Variants in SSH2 observed in about 807,000 individuals in gnomAD.
SSH2 encodes slingshot protein phosphatase 2, also known as protein phosphatase Slingshot homolog 2.
SSH2 carries 37 observed loss-of-function variants against 135.2 expected under a neutral mutation model. The observed-to-expected ratio is 0.27, with a 90% confidence interval of 0.21 to 0.36. SSH2 has a LOEUF of 0.36. Among genes scored for constraint, SSH2 ranks in the 10% least tolerant of loss-of-function variants. The probability of loss-of-function intolerance (pLI) is 1.00; values close to 1 mark genes in which losing one functional copy is unlikely to be tolerated. For synonymous variants in SSH2, 628 were observed against 646.2 expected (o/e 0.97, Z 0.43); for missense variants, 1,408 against 1,765.3 (o/e 0.80, Z 3.63).
intron 2 of SSH2, among the ~76,000 whole-genome samples, chr17:29,800,202 A>G (rs953307510): frequency 4.6e-5 from 7 of 151,340 alleles, no homozygotes; most frequent in Admixed American, 2.6e-4. Context: ...GTTTACTTCG[A>G]AAAAAAAACT....
chr17:29,930,228 T>G lies in SSH2; in HGVS notation c.-228A>C, dbSNP rs746346775. On this transcript the variant is annotated 5_prime_UTR_variant, in exon 1 of 16. Transcript: ENST00000540801. ...GCGGTTCCGCAGCTGCGGGGCACAA[T>G]GAGCGCTCCCAGTGCGCAGGCGCCA... is the stretch of plus-strand genomic sequence containing the variant. 1.8e-6 allele frequency: 1 copy of G among 549,334 alleles called. No homozygotes were observed. The highest frequency in any genetic ancestry group is 3.2e-6 in the Non-Finnish European group (1 of 310,648). 34.0% of individuals were successfully genotyped at this position (549,334 alleles called of 1,614,324 possible).
intron 11 of SSH2, among the ~76,000 whole-genome samples, chr17:29,666,080 G>A (rs778461759): frequency 2.6e-4 from 40 of 152,062 alleles, no homozygotes; most frequent in Admixed American, 5.2e-4. Context: ...GGCTCATGCC[G>A]GTAATTTGGG....
chr17:29,915,627 T>TA, intron 1 of SSH2, among the ~76,000 whole-genome samples: 1 of 152,314 alleles, frequency 6.6e-6, no homozygotes, highest in African/African-American at 2.4e-5. Flanking sequence ...AAGCATAGCC[T>TA]ATTAAATTGA....
chr17:29,784,044 T>C (rs2729439), intron 3 of SSH2, among the ~76,000 whole-genome samples: 40,563 of 95,328 alleles, frequency 0.43, 8,089 homozygotes, highest in Middle Eastern at 0.47. Context: ...CCAGCCTGGG[T>C]GACAGAGCGA....
chr17:29,792,949 C>T (rs1027668123), intron 3 of SSH2, among the ~76,000 whole-genome samples: 1 of 152,194 alleles, frequency 6.6e-6, no homozygotes, highest in African/African-American at 2.4e-5. Flanking sequence ...GCTGGGATTA[C>T]AGGCGTGAGC....
rs901287928 is a variant in SSH2, at chr17:29,930,197, G to T, written c.-197C>A. The T allele has an allele frequency of 7.0e-6, 4 of 572,818 alleles. No individual in the cohort carries two copies. Among genetic ancestry groups the T allele is most frequent in the Non-Finnish European group, 1.2e-5 (4 of 330,150 alleles). 35.5% of individuals were successfully genotyped at this position (572,818 alleles called of 1,614,324 possible). On this transcript the variant is annotated 5_prime_UTR_variant, in exon 1 of 16. Transcript: ENST00000540801. ...CCGACTGACGCTCCGAACGGGCGGC[G>T]GGCGGGCGGTTCCGCAGCTGCGGGG...
At chr17:29,881,050 A>G (rs1473012483) in intron 1 of SSH2, among the ~76,000 whole-genome samples, 2 of 152,250 alleles carry the variant, frequency 1.3e-5, no homozygotes, top group Non-Finnish European at 2.9e-5. Context: ...AATTCTGAAT[A>G]ACATCTTTCA....
chr17:29,674,411 T>C lies in SSH2; in HGVS notation c.615-2282A>G, dbSNP rs1440530947. ...AGGATGCCTAATGCATGTTTCTTCA[T>C]CTAGGAAACACATGCTCCAAAAGCA... On this transcript the variant is annotated intron_variant, in intron 8 of 15. Coordinates refer to ENST00000540801, the MANE Select transcript of SSH2 (RefSeq NM_001282129.2). 3.3e-5 allele frequency among the ~76,000 whole-genome samples: 5 copies of C among 152,288 alleles called. No individual in the cohort carries two copies. The East Asian group carries it at 9.6e-4, about 29-fold the overall frequency.
intron 1 of SSH2, among the ~76,000 whole-genome samples, chr17:29,857,010 A>G (rs1301868563): frequency 6.6e-6 from 1 of 152,114 alleles, no homozygotes; most frequent in Non-Finnish European, 1.5e-5. Context: ...ATGCAGCCAA[A>G]CCATATCATT....
intron 3 of SSH2, among the ~76,000 whole-genome samples, chr17:29,773,192 T>C (rs985465683): frequency 1.6e-4 from 24 of 151,924 alleles, no homozygotes; most frequent in Middle Eastern, 3.2e-3. Flanking sequence ...CCTTTGTATA[T>C]AAAAAGAAAA....
At chr17:29,831,739 G>T (rs1160358934) in intron 2 of SSH2, among the ~76,000 whole-genome samples, 8 of 147,624 alleles carry the variant, frequency 5.4e-5, no homozygotes, top group Admixed American at 2.7e-4. Flanking sequence ...GCCCAGCTAA[G>T]TTTTTTTTTT....
chr17:29,871,778 G>A (rs1331415565), intron 1 of SSH2, among the ~76,000 whole-genome samples: 1 of 152,204 alleles, frequency 6.6e-6, no homozygotes, highest in Non-Finnish European at 1.5e-5. Flanking sequence ...GTGTAAAATA[G>A]TAAAATTTTT....
intron 1 of SSH2, among the ~76,000 whole-genome samples, chr17:29,911,616 T>C (rs774847474): frequency 6.6e-6 from 1 of 152,156 alleles, no homozygotes; most frequent in Non-Finnish European, 1.5e-5. Flanking sequence ...ATTGCAATGT[T>C]ATATATCAAT....
In SSH2 at chr17:29,631,853, T is replaced by C. The variant is rs978927438; in HGVS notation, c.3341A>G (p.Asn1114Ser). The change falls in exon 16 of 16, where the codon AAC becomes AGC. Residue 1114 changes from asparagine to serine, a missense_variant. Around this residue, in one of 3 missense-constraint regions of SSH2, gnomAD observed 1,080 missense variants for 1,144.5 expected, o/e 0.94. Coordinates refer to ENST00000540801, the MANE Select transcript of SSH2 (RefSeq NM_001282129.2). Reference sequence around the variant, plus strand: ...GGAGGTTGGATGGTCAGTGGGTCTGTTGTGCTCAGGGGAGGAAGAATGAGG... The same window carrying C: ...GGAGGTTGGATGGTCAGTGGGTCTGCTGTGCTCAGGGGAGGAAGAATGAGG... ...PLPHSSSPEH[N>S]RPTDHPTSIL... 1.4e-5 allele frequency: 22 copies of C among 1,614,088 alleles called. No individual in the cohort carries two copies. The highest frequency in any genetic ancestry group is 1.7e-5 in the Non-Finnish European group (20 of 1,180,022).
chr17:29,702,191 A>G (rs1290690029), intron 4 of SSH2, among the ~76,000 whole-genome samples: 52 of 152,068 alleles, frequency 3.4e-4, no homozygotes. Context: ...CATCTCTACT[A>G]AAAACACAAA....
At chr17:29,671,195 TAGC>T (rs1567861936) in intron 9 of SSH2, among the ~76,000 whole-genome samples, 1 of 152,138 alleles carries the variant, frequency 6.6e-6, no homozygotes, top group Non-Finnish European at 1.5e-5. Flanking sequence ...AGTTAAAAAT[TAGC>T]AGGCTGGGCG....
chr17:29,680,022 GACATA>G (rs1233152587), intron 6 of SSH2, among the ~76,000 whole-genome samples: 1 of 151,984 alleles, frequency 6.6e-6, no homozygotes, highest in East Asian at 1.9e-4. Flanking sequence ...TAGGTATAAA[GACATA>G]ACATACTTAA....
chr17:29,747,846 T>C (rs1299810431), intron 3 of SSH2, among the ~76,000 whole-genome samples: 3 of 152,200 alleles, frequency 2.0e-5, no homozygotes, highest in Admixed American at 6.5e-5. Context: ...GGGAGCAAGA[T>C]GATCTACAGC....
At chr17:29,724,542 A>AAAC (rs1555620984) in intron 3 of SSH2, among the ~76,000 whole-genome samples, 2 of 149,464 alleles carry the variant, frequency 1.3e-5, no homozygotes, top group Non-Finnish European at 3.0e-5. Flanking sequence ...AAAAAAAAAA[A>AAAC]AAAACAAAAC....
Sources: allele counts gnomAD v4.1 joint callset (sites outside exome capture counted in the v4.1 genomes callset), GRCh38; gene constraint gnomAD v4.1.1; regional missense constraint gnomAD v4.1.1; transcripts MANE v1.5; gene names NCBI Gene and HGNC (gene_info 2026-07-23, HGNC 2026-07-21).